GRK4: variants seen among roughly 807,000 people sequenced by gnomAD.
GRK4 encodes G protein-coupled receptor kinase 2-like.
In GRK4, 73 loss-of-function variants were observed where a neutral mutation model predicts 77.9. That is an observed-to-expected ratio of 0.94 (90% CI 0.78 to 1.14). GRK4 has a LOEUF of 1.14. GRK4 is among the 50% of genes most tolerant of loss of function. The probability of loss-of-function intolerance (pLI) is 0.00; values close to 1 mark genes in which losing one functional copy is unlikely to be tolerated. For missense variants in GRK4, 729 were observed against 700.2 expected, an observed-to-expected ratio of 1.04 and a Z score of -0.46; for synonymous variants, 257 against 254.4, an observed-to-expected ratio of 1.01 and a Z score of -0.10.
intron 12 of GRK4, 132 bp downstream of exon 12, chr4:3,029,541 C>A (rs1738551848): frequency 2.9e-6 from 2 of 696,876 alleles, no homozygotes; most frequent in Non-Finnish European, 2.4e-6. Context: ...CCAGGCCCTG[C>A]CCCTGCCCCT....
intron 4 of GRK4, among the ~76,000 whole-genome samples, chr4:2,997,104 T>C (rs1264572509): frequency 6.6e-6 from 1 of 152,196 alleles, no homozygotes; most frequent in African/African-American, 2.4e-5. Context: ...AGACCGTGTG[T>C]TCATTCTTGC....
At chr4:2,970,671 A>G (rs909417566) in intron 1 of GRK4, among the ~76,000 whole-genome samples, 1 of 150,968 alleles carries the variant, frequency 6.6e-6, no homozygotes, top group African/African-American at 2.4e-5. Context: ...AAAAAAAAAA[A>G]TGTTCTTTTT....
chr4:2,996,645 C>T (rs1346840450), intron 4 of GRK4, among the ~76,000 whole-genome samples: 1 of 151,620 alleles, frequency 6.6e-6, no homozygotes, highest in African/African-American at 2.4e-5. Context: ...GGGGGATAGA[C>T]AAATGTTTAG....
At chr4:3,028,453 C>T (rs73084155) in intron 11 of GRK4, among the ~76,000 whole-genome samples, 5,667 of 152,226 alleles carry the variant, frequency 0.037, 284 homozygotes, top group African/African-American at 0.11. Context: ...TGTGGCTTTC[C>T]GCTCTTGCGT....
intron 1 of GRK4, among the ~76,000 whole-genome samples, chr4:2,980,253 C>T (rs1722498834): frequency 6.6e-6 from 1 of 152,126 alleles, no homozygotes; most frequent in Non-Finnish European, 1.5e-5. Flanking sequence ...CATGGCCACC[C>T]AGCCTCCCTG....
intron 12 of GRK4, among the ~76,000 whole-genome samples, chr4:3,031,340 G>A (rs1010650708): frequency 3.9e-5 from 6 of 152,230 alleles, no homozygotes; most frequent in African/African-American, 1.4e-4. Flanking sequence ...GAGGAAAGGG[G>A]AGGCTTGAAG....
At chr4:3,016,757 T>C (rs1734668931) in intron 8 of GRK4, among the ~76,000 whole-genome samples, 1 of 151,480 alleles carries the variant, frequency 6.6e-6, no homozygotes, top group Admixed American at 6.6e-5. Context: ...AAAACCCCCG[T>C]GTAACTACCT....
intron 4 of GRK4, among the ~76,000 whole-genome samples, chr4:2,996,005 G>C (rs1376008560): frequency 6.6e-6 from 1 of 152,180 alleles, no homozygotes; most frequent in South Asian, 2.1e-4. Context: ...TAGCTCAAGG[G>C]GGAGTGAGTC....
intron 5 of GRK4, among the ~76,000 whole-genome samples, chr4:3,005,927 G>A (rs1731192233): frequency 1.3e-5 from 2 of 152,142 alleles, no homozygotes; most frequent in Non-Finnish European, 2.9e-5. Context: ...TTCCTTTAGT[G>A]AGAATTCAGC....
At chr4:3,008,751 T>C (rs59209535) in intron 6 of GRK4, among the ~76,000 whole-genome samples, 7,161 of 149,156 alleles carry the variant, frequency 0.048, 254 homozygotes, top group African/African-American at 0.099. Flanking sequence ...TGCAGTGAGC[T>C]GAGGTGGCTC....
chr4:3,004,689 A>G (rs1367902660), intron 5 of GRK4, among the ~76,000 whole-genome samples: 1 of 152,200 alleles, frequency 6.6e-6, no homozygotes, highest in Non-Finnish European at 1.5e-5. Flanking sequence ...GGAAGAGAAA[A>G]TATAATTCCT....
At chr4:2,980,938 G>A (rs775178852) in intron 1 of GRK4, among the ~76,000 whole-genome samples, 3 of 152,260 alleles carry the variant, frequency 2.0e-5, no homozygotes, top group Non-Finnish European at 2.9e-5. Flanking sequence ...AGGGTTGCAT[G>A]AGCAAATGAG....
rs1362174993 is a variant in GRK4 at position 3,040,606 on chromosome 4, T to C, written c.1718T>C (p.Val573Ala). ...CLTMVPSEKE[V>A]EPKQC ...ACCATGGTCCCCAGTGAGAAGGAAG[T>C]GGAACCCAAGCAATGCTGAGCACCC... Residue 573 changes from valine (V) to alanine (A), a missense_variant, in exon 16 of 16, where the codon GTG (valine) becomes GCG (alanine). Transcript: ENST00000398052. The C allele has an allele frequency of 6.2e-7, 1 of 1,611,278 alleles. No homozygotes were observed. The highest frequency in any genetic ancestry group is 1.1e-5 in the South Asian group (1 of 90,178).
rs907738721 is a variant in GRK4, at chr4:3,018,381, A to G, written c.742-1260A>G. On this transcript the variant is annotated intron_variant, in intron 8 of 15. Coordinates refer to ENST00000398052, the MANE Select transcript of GRK4 (RefSeq NM_182982.3). ...TGGCATCAAGAAACATCAAAATCTA[A>G]GAAAAGACCCGGTGAGGTGGTGTGC... 8.5e-5 allele frequency among the ~76,000 whole-genome samples: 13 copies of G among 152,186 alleles called. No homozygotes were observed. The South Asian group carries it at 1.9e-3, about 22-fold the overall frequency.
At chr4:2,967,020 G>A (rs1717925250) in intron 1 of GRK4, 1 of 152,146 alleles carries the variant, frequency 6.6e-6, no homozygotes, top group Non-Finnish European at 1.5e-5. Flanking sequence ...TGGGTCATGA[G>A]AGTGGAACCC....
At chr4:2,995,654 T>G (rs1443778902) in intron 4 of GRK4, among the ~76,000 whole-genome samples, 1 of 150,360 alleles carries the variant, frequency 6.7e-6, no homozygotes, top group Non-Finnish European at 1.5e-5. Flanking sequence ...CCAACCTGGG[T>G]GATAAAGTGA....
At position 2,964,044 on chromosome 4, in the gene GRK4, A is replaced by G. The variant is rs1378315161; in HGVS notation, c.-27A>G. 1 of 1,598,490 alleles carries G rather than the reference A, an allele frequency of 6.3e-7. No homozygotes were observed. Among genetic ancestry groups the G allele is most frequent in the African/African-American group, 1.4e-5 (1 of 73,558 alleles). On this transcript the variant is annotated 5_prime_UTR_variant, in exon 1 of 16. Transcript: ENST00000398052. Reference sequence around the variant, plus strand: ...TCCTCAGTCTCCTCGGTCTCGCAGAATCCGCCGGCGGCGGCGGCGCCAGGA... The same window carrying G: ...TCCTCAGTCTCCTCGGTCTCGCAGAGTCCGCCGGCGGCGGCGGCGCCAGGA...
At chr4:2,998,928 G>T (rs1157111637) in intron 4 of GRK4, among the ~76,000 whole-genome samples, 3 of 152,124 alleles carry the variant, frequency 2.0e-5, no homozygotes, top group Admixed American at 6.6e-5. Context: ...TAAAAAGAAT[G>T]TAGTTGGAGG....
At chr4:2,999,207 G>T (rs1728832188) in intron 4 of GRK4, among the ~76,000 whole-genome samples, 1 of 152,154 alleles carries the variant, frequency 6.6e-6, no homozygotes, top group Admixed American at 6.6e-5. Context: ...CCCTCTTGCT[G>T]CATCATCCAT....
Sources: allele counts gnomAD v4.1 joint callset (sites outside exome capture counted in the v4.1 genomes callset), GRCh38; gene constraint gnomAD v4.1.1; transcripts MANE v1.5; gene names NCBI Gene and HGNC (gene_info 2026-07-23, HGNC 2026-07-21).